PDE1C: variants seen among roughly 807,000 people sequenced by gnomAD.
PDE1C encodes the protein dual specificity calcium/calmodulin-dependent 3',5'-cyclic nucleotide phosphodiesterase 1C.
A neutral mutation model predicts 93.1 loss-of-function variants in PDE1C; 62 were observed. The observed-to-expected ratio is 0.67, with a 90% CI of 0.54 to 0.82. The LOEUF (loss-of-function observed/expected upper bound fraction) is 0.82, where lower values mean the gene tolerates loss of function less well. Among genes scored for constraint, PDE1C ranks in the 40% least tolerant of loss-of-function variants. The pLI, the probability that PDE1C is intolerant of heterozygous loss-of-function variation, is 0.00. For missense variants in PDE1C, 742 were observed against 884.6 expected (o/e 0.84, Z 2.04); for synonymous variants, 325 against 310.1 (o/e 1.05, Z -0.50).
intron 3 of PDE1C, among the ~76,000 whole-genome samples, chr7:32,166,741 G>C (rs1021069254): frequency 1.3e-5 from 2 of 152,222 alleles, no homozygotes; most frequent in Non-Finnish European, 2.9e-5. Flanking sequence ...ACAATCCAGA[G>C]TGTTTGCAGG....
chr7:31,841,227 C>CTCTCTCTATATATATA (rs751320538), intron 9 of PDE1C, among the ~76,000 whole-genome samples: 104 of 142,284 alleles, frequency 7.3e-4, no homozygotes, highest in African/African-American at 2.6e-3. Context: ...CTCTCTCTCT[C>CTCTCTCTATATATATA]TATATATATA....
the PDE1C span, among the ~76,000 whole-genome samples, chr7:31,622,646 G>T: frequency 6.6e-6 from 1 of 152,096 alleles, no homozygotes; most frequent in South Asian, 2.1e-4. Context: ...ATGCCCACAA[G>T]AGAAAGCAGG....
intron 2 of PDE1C, among the ~76,000 whole-genome samples, chr7:31,926,643 CA>C (rs1803422302): frequency 6.6e-6 from 1 of 152,152 alleles, no homozygotes; most frequent in African/African-American, 2.4e-5. Context: ...AGTGGGCCAG[CA>C]GAAGCAGGGT....
At chr7:32,349,719 T>C (rs1281623248) in intron 1 of PDE1C, among the ~76,000 whole-genome samples, 5 of 152,096 alleles carry the variant, frequency 3.3e-5, no homozygotes, top group Non-Finnish European at 7.4e-5. Flanking sequence ...AACCTCCACC[T>C]CTCGGGTTCA....
intron 2 of PDE1C, among the ~76,000 whole-genome samples, chr7:31,957,806 G>A (rs1321981613): frequency 6.6e-6 from 1 of 152,092 alleles, no homozygotes; most frequent in African/African-American, 2.4e-5. Context: ...AGACAAGCAG[G>A]TAGAAAATAT....
intron 1 of PDE1C, among the ~76,000 whole-genome samples, chr7:32,314,847 C>G (rs1050334158): frequency 1.3e-5 from 2 of 151,968 alleles, no homozygotes; most frequent in African/African-American, 4.8e-5. Context: ...TAGAGACATG[C>G]TCCTCCATCT....
At chr7:31,843,781 A>G (rs577967456) in intron 9 of PDE1C, among the ~76,000 whole-genome samples, 1 of 151,512 alleles carries the variant, frequency 6.6e-6, no homozygotes, top group Admixed American at 6.6e-5. Flanking sequence ...TCTGCTTGAG[A>G]TATTTTTTGT....
At chr7:32,028,999 G>A (rs577340950) in intron 2 of PDE1C, among the ~76,000 whole-genome samples, 1 of 152,050 alleles carries the variant, frequency 6.6e-6, no homozygotes, top group East Asian at 1.9e-4. Context: ...CATCAGATAA[G>A]GTATTAATAT....
chr7:32,164,754 TGG>T (rs1033787876), intron 3 of PDE1C, among the ~76,000 whole-genome samples: 10 of 152,298 alleles, frequency 6.6e-5, no homozygotes, highest in Middle Eastern at 3.4e-3. Context: ...CTCCCACCTC[TGG>T]GAATGTGTAC....
chr7:32,220,649 A>G (rs1026109051), intron 1 of PDE1C, among the ~76,000 whole-genome samples: 13 of 152,062 alleles, frequency 8.5e-5, no homozygotes, highest in Admixed American at 2.0e-4. Flanking sequence ...CCCCGCCTCT[A>G]CTAAAAAAAT....
intron 3 of PDE1C, among the ~76,000 whole-genome samples, chr7:32,130,826 C>G (rs760836069): frequency 2.2e-4 from 33 of 152,018 alleles, no homozygotes; most frequent in Non-Finnish European, 4.6e-4. Context: ...ACCTCTCTCC[C>G]CTTACTCCCT....
At chr7:31,690,740 C>T in the PDE1C span, among the ~76,000 whole-genome samples, 3 of 152,160 alleles carry the variant, frequency 2.0e-5, no homozygotes, top group Non-Finnish European at 4.4e-5. Context: ...GATAAAGGTA[C>T]TAACAGCAGA....
At chr7:31,755,626 G>A (rs1053688193) in intron 17 of PDE1C, among the ~76,000 whole-genome samples, 2 of 151,946 alleles carry the variant, frequency 1.3e-5, no homozygotes, top group African/African-American at 4.8e-5. Context: ...AGACAAAGGA[G>A]CCCTGAATGA....
chr7:31,696,447 T>G, the PDE1C span, among the ~76,000 whole-genome samples: 1 of 152,204 alleles, frequency 6.6e-6, no homozygotes, highest in Non-Finnish European at 1.5e-5. Context: ...GTGGAAAATT[T>G]TATGCAAGAG....
the PDE1C span, among the ~76,000 whole-genome samples, chr7:31,626,184 T>C: frequency 2.0e-5 from 3 of 152,226 alleles, no homozygotes; most frequent in Non-Finnish European, 4.4e-5. Context: ...ATCTTTGGGC[T>C]TTCTTTTTGT....
At chr7:32,208,649 C>T (rs781684724) in intron 2 of PDE1C, among the ~76,000 whole-genome samples, 5 of 152,152 alleles carry the variant, frequency 3.3e-5, no homozygotes, top group Non-Finnish European at 7.3e-5. Context: ...TACGATTTCT[C>T]CACCTGGTGC....
rs529598470 is a variant in PDE1C, at chr7:32,128,390, A to G, written c.308+41395T>C. 2.6e-5 allele frequency among the ~76,000 whole-genome samples: 4 copies of G among 152,106 alleles called. No homozygotes were observed. The East Asian group carries it at 7.7e-4, about 29-fold the overall frequency. On this transcript the variant is annotated intron_variant, in intron 3 of 18. Transcript: ENST00000396193. ...CCTATATGTCAACACACAACATAAAATTAAAAGTAAAAAAACATACAATGG... is the reference window on the plus strand; with the variant it reads ...CCTATATGTCAACACACAACATAAAGTTAAAAGTAAAAAAACATACAATGG...
At chr7:32,165,238 T>A (rs143322942) in intron 3 of PDE1C, among the ~76,000 whole-genome samples, 273 of 152,306 alleles carry the variant, frequency 1.8e-3, no homozygotes, top group African/African-American at 6.2e-3. Context: ...TGAGCACGAA[T>A]ACAAAATTAA....
chr7:31,621,141 T>A, the PDE1C span, among the ~76,000 whole-genome samples: 10 of 150,840 alleles, frequency 6.6e-5, no homozygotes, highest in Non-Finnish European at 6.0e-5. Flanking sequence ...TTGGTGTACC[T>A]GAAAGTGATG....
Sources: gnomAD v4.1 joint callset for allele counts (sites outside exome capture counted in the v4.1 genomes callset) on GRCh38, gnomAD v4.1.1 for gene constraint, MANE v1.5 for transcripts, NCBI Gene and HGNC (gene_info 2026-07-23, HGNC 2026-07-21) for gene names.